The following PTGFR variants were observed in gnomAD, a reference collection of about 807,000 sequenced individuals.
PTGFR encodes prostaglandin F2-alpha receptor.
A neutral mutation model predicts 26.2 loss-of-function variants in PTGFR; 15 were observed. That is an observed-to-expected ratio of 0.57 (90% CI 0.38 to 0.88). The LOEUF (loss-of-function observed/expected upper bound fraction) is 0.88. Among genes scored for constraint, PTGFR ranks in the 40% least tolerant of loss-of-function variants. The pLI is 0.00. For synonymous variants in PTGFR, 165 were observed against 151.1 expected, an observed-to-expected ratio of 1.09 and a Z score of -0.68; for missense variants, 369 against 427.2, an observed-to-expected ratio of 0.86 and a Z score of 1.20.
chr1:78,521,004 T>C (rs1434898532), intron 2 of PTGFR, among the ~76,000 whole-genome samples: 1 of 152,104 alleles, frequency 6.6e-6, no homozygotes, highest in African/African-American at 2.4e-5. Context: ...CTACGCTTTT[T>C]AATCCTGTCT....
rs1419578996 is a variant in PTGFR, at chr1:78,540,150, A to G, written c.*3463A>G. Reference sequence around the variant, plus strand: ...AGAGAACTCAGGTGAAAAAACAGCCACCATTATATGTGGCTGTTTCTCAAA... The same window carrying G: ...AGAGAACTCAGGTGAAAAAACAGCCGCCATTATATGTGGCTGTTTCTCAAA... On this transcript the variant is annotated 3_prime_UTR_variant, in exon 3 of 3. Transcript: ENST00000370757. Among the ~76,000 whole-genome samples the G allele has an allele frequency of 6.6e-6, 1 of 152,144 alleles. No homozygotes were observed. The highest frequency in any genetic ancestry group is 1.5e-5 in the Non-Finnish European group (1 of 68,016).
chr1:78,515,046 A>AT lies in PTGFR; in HGVS notation c.799-21350dup, dbSNP rs540597508. 9.0e-3 allele frequency among the ~76,000 whole-genome samples: 1,340 copies of AT among 149,712 alleles called. 13 individuals carry two copies. Among genetic ancestry groups the AT allele is most frequent in the African/African-American group, 0.031 (1,250 of 40,894 alleles). On this transcript the variant is annotated intron_variant, in intron 2 of 2. Transcript: ENST00000370757. ...CTTTATAAATTACGCAGTTTCAGGT[A>AT]TTTTTTTTTTATAGCAGTGTAAAAA...
intron 2 of PTGFR, among the ~76,000 whole-genome samples, chr1:78,526,317 C>T (rs1339866319): frequency 1.3e-5 from 2 of 152,008 alleles, no homozygotes; most frequent in African/African-American, 4.8e-5. Context: ...AGATTTGATG[C>T]ATTTCTAGAG....
chr1:78,515,594 G>A (rs3766346), intron 2 of PTGFR, among the ~76,000 whole-genome samples: 35,656 of 151,916 alleles, frequency 0.23, 4,483 homozygotes, highest in African/African-American at 0.31. Context: ...TTTTTTTATT[G>A]GAGAAATTAC....
At chr1:78,496,137 G>A (rs1649542241) in intron 2 of PTGFR, among the ~76,000 whole-genome samples, 1 of 152,146 alleles carries the variant, frequency 6.6e-6, no homozygotes, top group Non-Finnish European at 1.5e-5. Flanking sequence ...AACTTTGGTG[G>A]TCTGGACACA....
At chr1:78,535,323 G>C (rs2100405187) in intron 2 of PTGFR, among the ~76,000 whole-genome samples, 1 of 152,224 alleles carries the variant, frequency 6.6e-6, no homozygotes, top group African/African-American at 2.4e-5. Context: ...ATAGACTTCA[G>C]ATGCATCATC....
chr1:78,535,416 A>G (rs1447109636), intron 2 of PTGFR, among the ~76,000 whole-genome samples: 3 of 152,172 alleles, frequency 2.0e-5, no homozygotes, highest in South Asian at 4.1e-4. Context: ...AACCATTGGT[A>G]TCATCAGGTC....
chr1:78,512,501 C>T (rs1260928783), intron 2 of PTGFR, among the ~76,000 whole-genome samples: 1 of 152,042 alleles, frequency 6.6e-6, no homozygotes, highest in Non-Finnish European at 1.5e-5. Flanking sequence ...GGAGATGCTA[C>T]ACTTTTTAAA....
At chr1:78,513,917 G>A (rs769448353) in intron 2 of PTGFR, among the ~76,000 whole-genome samples, 30 of 152,326 alleles carry the variant, frequency 2.0e-4, no homozygotes, top group African/African-American at 3.6e-4. Context: ...AGCATCTTCC[G>A]TATGGTGTTA....
At chr1:78,510,840 C>A (rs948834555) in intron 2 of PTGFR, among the ~76,000 whole-genome samples, 8 of 152,156 alleles carry the variant, frequency 5.3e-5, no homozygotes, top group Non-Finnish European at 1.0e-4. Context: ...GTGGTACAAG[C>A]ATTAGGTAAA....
chr1:78,506,928 T>G (rs559203837), intron 2 of PTGFR, among the ~76,000 whole-genome samples: 7 of 152,316 alleles, frequency 4.6e-5, no homozygotes, highest in African/African-American at 1.7e-4. Context: ...TGTATTCCTC[T>G]GAAGAGTGTT....
chr1:78,493,441 A>G lies in PTGFR; in HGVS notation c.698A>G (p.Lys233Arg). The change falls in exon 2 of 3, where the codon AAA (lysine) becomes AGA (arginine). Residue 233 changes from lysine (K) to arginine (R), a missense_variant. Transcript: ENST00000370757. Reference protein sequence around the residue: ...TGITLLRVKFKSQQHRQGRSH... With the variant: ...TGITLLRVKFRSQQHRQGRSH... The stretch of plus-strand genomic sequence containing the variant: ...ATTACACTTTTAAGAGTTAAATTTA[A>G]AAGTCAGCAGCACAGACAAGGCAGA... 6.2e-7 allele frequency: 1 copy of G among 1,612,844 alleles called. No individual in the cohort carries two copies. The highest frequency in any genetic ancestry group is 1.7e-4 in the Middle Eastern group (1 of 6,060).
intron 2 of PTGFR, among the ~76,000 whole-genome samples, chr1:78,507,029 A>G (rs1649842050): frequency 1.3e-5 from 2 of 152,174 alleles, no homozygotes; most frequent in African/African-American, 4.8e-5. Flanking sequence ...ATCCTTAACT[A>G]GGTTACATGG....
chr1:78,516,173 A>G (rs1650086987), intron 2 of PTGFR, among the ~76,000 whole-genome samples: 2 of 152,184 alleles, frequency 1.3e-5, no homozygotes, highest in South Asian at 4.1e-4. Context: ...TAAGTGCTTT[A>G]CAGATGTTAA....
chr1:78,503,243 T>C (rs1649752617), intron 2 of PTGFR, among the ~76,000 whole-genome samples: 1 of 152,022 alleles, frequency 6.6e-6, no homozygotes, highest in Non-Finnish European at 1.5e-5. Context: ...TGTCAGATAA[T>C]AAAAATTTAA....
chr1:78,535,679 G>A (rs1650627658), intron 2 of PTGFR, among the ~76,000 whole-genome samples: 1 of 152,098 alleles, frequency 6.6e-6, no homozygotes, highest in African/African-American at 2.4e-5. Flanking sequence ...ACATGTAGCT[G>A]GGACAATTTA....
chr1:78,514,119 G>A (rs111260105), intron 2 of PTGFR, among the ~76,000 whole-genome samples: 1,647 of 152,314 alleles, frequency 0.011, 14 homozygotes, highest in Middle Eastern at 0.027. Context: ...AGTCCCCAGA[G>A]AGGCACTGCC....
intron 2 of PTGFR, among the ~76,000 whole-genome samples, chr1:78,528,645 T>C (rs958548800): frequency 5.9e-5 from 9 of 152,134 alleles, no homozygotes; most frequent in Admixed American, 1.3e-4. Flanking sequence ...CTAAAATGTA[T>C]GGATATCTTT....
intron 2 of PTGFR, among the ~76,000 whole-genome samples, chr1:78,533,942 A>G (rs1650584962): frequency 6.6e-6 from 1 of 152,108 alleles, no homozygotes; most frequent in Non-Finnish European, 1.5e-5. Flanking sequence ...ATGAACATAT[A>G]CTATCCTTCC....
Sources: allele counts gnomAD v4.1 joint callset (sites outside exome capture counted in the v4.1 genomes callset), GRCh38; gene constraint gnomAD v4.1.1; transcripts MANE v1.5; gene names NCBI Gene and HGNC (gene_info 2026-07-23, HGNC 2026-07-21).